The following CACNA1C variants were observed in gnomAD, a reference collection of about 807,000 sequenced individuals.
CACNA1C encodes voltage-dependent L-type calcium channel subunit alpha-1C.
CACNA1C carries 30 observed loss-of-function variants against 229.0 expected under a neutral mutation model. The observed-to-expected ratio is 0.13, with a 90% CI of 0.10 to 0.18. CACNA1C has a LOEUF of 0.18. Among genes scored for constraint, CACNA1C ranks in the 10% least tolerant of loss-of-function variants. The pLI is 1.00. For missense variants in CACNA1C, 1,658 were observed against 2,845.0 expected (o/e 0.58, Z 9.49); for synonymous variants, 1,114 against 1,132.5 (o/e 0.98, Z 0.33).
intron 3 of CACNA1C, among the ~76,000 whole-genome samples, chr12:2,427,780 C>T (rs968920852): frequency 1.3e-5 from 2 of 152,048 alleles, no homozygotes; most frequent in East Asian, 1.9e-4. Flanking sequence ...TACACCATGC[C>T]CACCTAATTT....
At chr12:2,313,681 T>C (rs2095547154) in intron 3 of CACNA1C, among the ~76,000 whole-genome samples, 1 of 152,166 alleles carries the variant, frequency 6.6e-6, no homozygotes, top group African/African-American at 2.4e-5. Flanking sequence ...TGTGGACACA[T>C]GCTGGTTCCC....
chr12:2,470,770 G>C (rs928049009), intron 5 of CACNA1C, among the ~76,000 whole-genome samples: 1 of 152,144 alleles, frequency 6.6e-6, no homozygotes, highest in African/African-American at 2.4e-5. Flanking sequence ...GTACTCTGTG[G>C]GTCCAACTCC....
At chr12:2,560,848 T>TAAA (rs36012443) in intron 11 of CACNA1C, among the ~76,000 whole-genome samples, 3,540 of 113,004 alleles carry the variant, frequency 0.031, 125 homozygotes, top group Middle Eastern at 0.056. Context: ...TTGGTTCTGG[T>TAAA]AAAAAAAAAA....
chr12:2,623,670 C>T (rs2084634207), intron 29 of CACNA1C, among the ~76,000 whole-genome samples: 1 of 152,168 alleles, frequency 6.6e-6, no homozygotes, highest in Non-Finnish European at 1.5e-5. Context: ...ACACTGACCT[C>T]CTTCCAAATG....
chr12:2,584,094 G>C (rs2061543051), intron 15 of CACNA1C, among the ~76,000 whole-genome samples: 1 of 152,194 alleles, frequency 6.6e-6, no homozygotes, highest in Non-Finnish European at 1.5e-5. Context: ...GAGATACCAA[G>C]CCACCCCCTC....
At chr12:2,164,622 C>T (rs1283098513) in intron 3 of CACNA1C, among the ~76,000 whole-genome samples, 1 of 152,186 alleles carries the variant, frequency 6.6e-6, no homozygotes, top group East Asian at 1.9e-4. Flanking sequence ...AACTTGTCTT[C>T]ATAATATCAG....
At chr12:2,395,105 G>A (rs558313106) in intron 3 of CACNA1C, among the ~76,000 whole-genome samples, 8 of 151,748 alleles carry the variant, frequency 5.3e-5, no homozygotes, top group South Asian at 4.2e-4. Flanking sequence ...CTGCAGCCTC[G>A]ACCTCCCAGG....
At position 2,135,883 on chromosome 12, in the gene CACNA1C, A is replaced by G. The variant is rs1350149360; in HGVS notation, c.477+15453A>G. Among the ~76,000 whole-genome samples, 3 of 148,438 alleles carry G rather than the reference A, an allele frequency of 2.0e-5. 1 individual carries two copies. Among genetic ancestry groups the G allele is most frequent in the Non-Finnish European group, 4.5e-5 (3 of 67,408 alleles). On this transcript the variant is annotated intron_variant, in intron 3 of 46. Transcript: ENST00000399655. ...TTGTTTACCTAATCAAGCCCGGGCA[A>G]TGGCGGGCGCCCCTCCCCCAGCCTC...
At chr12:2,024,027 G>A (rs1282665510) in intron 1 of CACNA1C, among the ~76,000 whole-genome samples, 1 of 152,226 alleles carries the variant, frequency 6.6e-6, no homozygotes, top group Non-Finnish European at 1.5e-5. Flanking sequence ...CCTGCACTTA[G>A]TACCCAGTGC....
chr12:2,072,402 G>T (rs2154524767), intron 1 of CACNA1C, among the ~76,000 whole-genome samples: 1 of 152,138 alleles, frequency 6.6e-6, no homozygotes, highest in Non-Finnish European at 1.5e-5. Context: ...GTTTCACTGT[G>T]TTGCCCTGGC....
intron 5 of CACNA1C, among the ~76,000 whole-genome samples, chr12:2,474,042 G>A (rs1597398895): frequency 6.6e-6 from 1 of 151,982 alleles, no homozygotes; most frequent in Non-Finnish European, 1.5e-5. Flanking sequence ...GTATTTGCCA[G>A]AAAAAAAATC....
At chr12:2,164,487 A>T (rs1489805891) in intron 3 of CACNA1C, among the ~76,000 whole-genome samples, 4 of 152,224 alleles carry the variant, frequency 2.6e-5, no homozygotes, top group Admixed American at 6.5e-5. Flanking sequence ...TCTGGAACTA[A>T]TTGTAGACTA....
chr12:2,116,371 CTTTTT>C (rs869196313), intron 2 of CACNA1C, among the ~76,000 whole-genome samples: 1 of 136,822 alleles, frequency 7.3e-6, no homozygotes. Context: ...TTGGGAAGGA[CTTTTT>C]TTTTTTTTTT....
chr12:2,507,453 G>A (rs556671995), intron 8 of CACNA1C, among the ~76,000 whole-genome samples: 2 of 152,326 alleles, frequency 1.3e-5, no homozygotes, highest in Non-Finnish European at 2.9e-5. Flanking sequence ...TTTCCAGTCA[G>A]TGTCTTGATT....
At chr12:2,543,873 T>G (rs1599510401) in intron 9 of CACNA1C, among the ~76,000 whole-genome samples, 1 of 152,194 alleles carries the variant, frequency 6.6e-6, no homozygotes, top group Non-Finnish European at 1.5e-5. Context: ...AGCCAAAAGC[T>G]GAATAATGCT....
chr12:2,536,037 G>T (rs2099854259), intron 9 of CACNA1C, among the ~76,000 whole-genome samples: 1 of 152,226 alleles, frequency 6.6e-6, no homozygotes, highest in Non-Finnish European at 1.5e-5. Context: ...TTGCCTGCTG[G>T]AAGGGAAGAC....
At chr12:2,120,737 A>G (rs1303488176) in intron 3 of CACNA1C, among the ~76,000 whole-genome samples, 1 of 150,490 alleles carries the variant, frequency 6.6e-6, no homozygotes, top group Non-Finnish European at 1.5e-5. Context: ...ATGTGCTGCA[A>G]AAGTTGTGAG....
At chr12:1,993,571 T>C (rs902074478) in intron 1 of CACNA1C, among the ~76,000 whole-genome samples, 2 of 152,064 alleles carry the variant, frequency 1.3e-5, no homozygotes, top group African/African-American at 4.8e-5. Flanking sequence ...TCCCATGTAA[T>C]GCAGCAGCAC....
chr12:2,033,773 A>C (rs948654353), intron 1 of CACNA1C, among the ~76,000 whole-genome samples: 1 of 152,248 alleles, frequency 6.6e-6, no homozygotes, highest in African/African-American at 2.4e-5. Flanking sequence ...CAGGAACCTC[A>C]GCAGATGCAG....
Sources: gnomAD v4.1 joint callset for allele counts (sites outside exome capture counted in the v4.1 genomes callset) on GRCh38, gnomAD v4.1.1 for gene constraint, MANE v1.5 for transcripts, NCBI Gene and HGNC (gene_info 2026-07-23, HGNC 2026-07-21) for gene names.